The following ADK variants were observed in gnomAD, a reference collection of about 807,000 sequenced individuals.
The protein encoded by ADK is adenosine kinase.
A neutral mutation model predicts 44.7 loss-of-function variants in ADK; 24 were observed. That is an observed-to-expected ratio of 0.54 (90% CI 0.39 to 0.76). The LOEUF is 0.76. ADK is among the 30% of genes least tolerant of loss of function. The pLI is 0.00. For synonymous variants in ADK, 128 were observed against 142.6 expected (o/e 0.90, Z 0.73); for missense variants, 321 against 425.1 (o/e 0.76, Z 2.15).
intron 6 of ADK, among the ~76,000 whole-genome samples, chr10:74,414,371 T>G (rs889201753): frequency 1.3e-5 from 2 of 152,240 alleles, no homozygotes; most frequent in African/African-American, 4.8e-5. Context: ...GTTACACAAA[T>G]TATTTACTGT....
chr10:74,413,080 C>T (rs1219573234), intron 6 of ADK, among the ~76,000 whole-genome samples: 1 of 151,812 alleles, frequency 6.6e-6, no homozygotes, highest in Non-Finnish European at 1.5e-5. Context: ...ATTCAGCATA[C>T]CATACTCAAA....
At chr10:74,279,898 T>C (rs1451637968) in intron 3 of ADK, among the ~76,000 whole-genome samples, 3 of 152,062 alleles carry the variant, frequency 2.0e-5, no homozygotes, top group African/African-American at 7.2e-5. Context: ...TGTGGTATTA[T>C]GTACTTGTAG....
At chr10:74,329,306 C>T (rs772957739) in intron 4 of ADK, among the ~76,000 whole-genome samples, 4 of 152,132 alleles carry the variant, frequency 2.6e-5, no homozygotes, top group East Asian at 1.9e-4. Flanking sequence ...TAGATTGTAA[C>T]ATACCACAGT....
At chr10:74,205,114 A>G (rs533847264) in intron 2 of ADK, among the ~76,000 whole-genome samples, 1 of 151,804 alleles carries the variant, frequency 6.6e-6, no homozygotes, top group African/African-American at 2.4e-5. Flanking sequence ...CCCAAATTTC[A>G]ATGGAATCCA....
At chr10:74,318,870 C>T (rs1283123608) in intron 4 of ADK, among the ~76,000 whole-genome samples, 1 of 152,052 alleles carries the variant, frequency 6.6e-6, no homozygotes, top group Non-Finnish European at 1.5e-5. Flanking sequence ...TAATTAAAAT[C>T]CTAAGTATTC....
At chr10:74,584,799 A>G (rs544697919) in intron 7 of ADK, among the ~76,000 whole-genome samples, 1 of 152,344 alleles carries the variant, frequency 6.6e-6, no homozygotes, top group African/African-American at 2.4e-5. Flanking sequence ...GTAAGAAAAC[A>G]GACCTGGTCT....
intron 1 of ADK, among the ~76,000 whole-genome samples, chr10:74,153,396 C>A (rs553850018): frequency 1.4e-4 from 22 of 152,196 alleles, no homozygotes; most frequent in Admixed American, 3.3e-4. Flanking sequence ...TGGCCAAATA[C>A]GTCAACGGTG....
intron 9 of ADK, among the ~76,000 whole-genome samples, chr10:74,620,076 A>G (rs1208963580): frequency 6.6e-6 from 1 of 152,194 alleles, no homozygotes; most frequent in Non-Finnish European, 1.5e-5. Context: ...AGCAATTAGC[A>G]TATCCATCAT....
intron 6 of ADK, among the ~76,000 whole-genome samples, chr10:74,412,619 G>T (rs1429754032): frequency 2.0e-5 from 3 of 152,182 alleles, no homozygotes; most frequent in Admixed American, 2.0e-4. Flanking sequence ...AATGAATGTT[G>T]TTTTAGCAGC....
intron 6 of ADK, among the ~76,000 whole-genome samples, chr10:74,478,656 C>T (rs1445950505): frequency 2.0e-5 from 3 of 152,146 alleles, no homozygotes; most frequent in Admixed American, 6.5e-5. Flanking sequence ...TATTTGTTTG[C>T]TGTCATCTCC....
intron 6 of ADK, among the ~76,000 whole-genome samples, chr10:74,476,532 A>G (rs1564743878): frequency 1.3e-5 from 2 of 152,102 alleles, no homozygotes; most frequent in African/African-American, 2.4e-5. Flanking sequence ...TCTGTGATAA[A>G]CCAATTTACC....
intron 4 of ADK, among the ~76,000 whole-genome samples, chr10:74,383,396 G>GT (rs960922080): frequency 2.0e-5 from 3 of 151,400 alleles, no homozygotes; most frequent in Non-Finnish European, 4.4e-5. Context: ...GTCTGTCTCT[G>GT]TCTCTGTCTC....
chr10:74,485,375 T>C (rs1177670090), intron 6 of ADK, among the ~76,000 whole-genome samples: 1 of 151,882 alleles, frequency 6.6e-6, no homozygotes, highest in Admixed American at 6.6e-5. Context: ...GACGGGAGTA[T>C]TGCTTGAGCC....
chr10:74,528,120 G>C, intron 7 of ADK: 1 of 1,082,342 alleles, frequency 9.2e-7, no homozygotes, highest in South Asian at 1.4e-5. Context: ...TATCAGAAGT[G>C]TCATGATCGA....
chr10:74,514,819 G>C (rs1218204700), intron 6 of ADK, among the ~76,000 whole-genome samples: 4 of 151,542 alleles, frequency 2.6e-5, no homozygotes, highest in South Asian at 2.1e-4. Context: ...ATGTTTTCTT[G>C]CTTTTTTTCC....
intron 7 of ADK, chr10:74,529,264 T>C (rs1432853146): frequency 6.6e-6 from 1 of 152,174 alleles, no homozygotes; most frequent in Non-Finnish European, 1.5e-5. Flanking sequence ...CAGACAATTA[T>C]TGGATTTTCT....
At chr10:74,517,688 CAAAA>C (rs543658712) in intron 6 of ADK, among the ~76,000 whole-genome samples, 2 of 95,502 alleles carry the variant, frequency 2.1e-5, no homozygotes, top group Non-Finnish European at 4.5e-5. Context: ...GTCTCTGTCT[CAAAA>C]AAAAAAAAAA....
chr10:74,625,307 A>C (rs1853149489), intron 9 of ADK, among the ~76,000 whole-genome samples: 1 of 152,178 alleles, frequency 6.6e-6, no homozygotes, highest in African/African-American at 2.4e-5. Flanking sequence ...AAAGTTAATG[A>C]GGTAATAAAA....
chr10:74,301,424 G>C (rs1840027725), intron 3 of ADK, among the ~76,000 whole-genome samples: 1 of 149,246 alleles, frequency 6.7e-6, no homozygotes, highest in African/African-American at 2.5e-5. Context: ...TAAGACAGGA[G>C]AAACGCTTGA....
Sources: allele counts gnomAD v4.1 joint callset (sites outside exome capture counted in the v4.1 genomes callset), GRCh38; gene constraint gnomAD v4.1.1; transcripts MANE v1.5; gene names NCBI Gene and HGNC (gene_info 2026-07-23, HGNC 2026-07-21).